SNTG1: variants seen among roughly 807,000 people sequenced by gnomAD.
SNTG1 encodes the protein syntrophin gamma 1, also known as gamma-1-syntrophin.
In SNTG1, 39 loss-of-function variants were observed where a neutral mutation model predicts 74.7. That is an observed-to-expected ratio of 0.52 (90% CI 0.40 to 0.68). The LOEUF (loss-of-function observed/expected upper bound fraction) is 0.68. Ranked by LOEUF, SNTG1 falls within the 30% of genes least tolerant of loss-of-function variation. SNTG1 has a pLI of 0.00. For missense variants in SNTG1, 685 were observed against 609.5 expected (o/e 1.12, Z -1.30); for synonymous variants, 254 against 217.1 (o/e 1.17, Z -1.49).
At chr8:50,147,145 G>A (rs1261718306) in intron 1 of SNTG1, among the ~76,000 whole-genome samples, 1 of 152,144 alleles carries the variant, frequency 6.6e-6, no homozygotes, top group Admixed American at 6.5e-5. Flanking sequence ...TCTTCTGCAT[G>A]ATACTTGGGT....
chr8:50,786,573 C>G (rs191343841), intron 18 of SNTG1, among the ~76,000 whole-genome samples: 3 of 151,882 alleles, frequency 2.0e-5, no homozygotes, highest in African/African-American at 4.8e-5. Flanking sequence ...TGGAGAGAAC[C>G]CCCAGTTCCA....
intron 1 of SNTG1, among the ~76,000 whole-genome samples, chr8:50,017,664 CA>C (rs201188814): frequency 0.011 from 1,675 of 151,134 alleles, 12 homozygotes; most frequent in Admixed American, 0.019. Flanking sequence ...TTATAAGAGT[CA>C]AAAAAAGCAT....
rs574988019 is a variant in SNTG1 at position 50,788,849 on chromosome 8, G to A, written c.1396-3822G>A. Among the ~76,000 whole-genome samples the A allele has an allele frequency of 6.6e-5, 10 of 151,818 alleles. No homozygotes were observed. In the East Asian group the frequency reaches 1.6e-3, roughly 24 times the overall value. On this transcript the variant is annotated intron_variant, in intron 18 of 18. Transcript: ENST00000642720. ...CCATATACTGTGCCTCATCTCCTGC[G>A]GCCTCAGATCAATTGTCCAGGTTTC...
intron 13 of SNTG1, among the ~76,000 whole-genome samples, chr8:50,605,675 C>G (rs1375083677): frequency 6.6e-6 from 1 of 152,064 alleles, no homozygotes; most frequent in Non-Finnish European, 1.5e-5. Flanking sequence ...TCAGTACTTT[C>G]TCAACAATAT....
At chr8:50,408,149 C>T (rs918744560) in intron 4 of SNTG1, among the ~76,000 whole-genome samples, 1 of 152,078 alleles carries the variant, frequency 6.6e-6, no homozygotes, top group South Asian at 2.1e-4. Context: ...GAAATCAGGT[C>T]CCTAGCATAA....
At chr8:50,664,879 T>C (rs929080371) in intron 15 of SNTG1, among the ~76,000 whole-genome samples, 2 of 152,180 alleles carry the variant, frequency 1.3e-5, no homozygotes, top group Non-Finnish European at 1.5e-5. Context: ...GAGCAGTGTA[T>C]CATTTGTATA....
chr8:50,159,011 G>A (rs1409293995), intron 1 of SNTG1, among the ~76,000 whole-genome samples: 2 of 152,114 alleles, frequency 1.3e-5, no homozygotes, highest in Non-Finnish European at 2.9e-5. Flanking sequence ...TAATTTGATG[G>A]TTGAATAACG....
At chr8:50,241,587 A>G (rs1404095941) in intron 2 of SNTG1, among the ~76,000 whole-genome samples, 1 of 152,198 alleles carries the variant, frequency 6.6e-6, no homozygotes, top group African/African-American at 2.4e-5. Context: ...TTCTGCATCT[A>G]TGAAGCTTCT....
At chr8:50,156,307 C>CAA (rs959940875) in intron 1 of SNTG1, among the ~76,000 whole-genome samples, 2 of 152,026 alleles carry the variant, frequency 1.3e-5, no homozygotes, top group African/African-American at 4.8e-5. Context: ...CCAGTATTGT[C>CAA]AAGTGCTATA....
In SNTG1 at chr8:49,913,643, T is replaced by C. The variant is rs80172318; in HGVS notation, c.-103+1412T>C. 5.7e-4 allele frequency among the ~76,000 whole-genome samples: 87 copies of C among 152,330 alleles called. No individual in the cohort carries two copies. The East Asian group carries it at 0.016, about 28-fold the overall frequency. ...ATTATCTGAGGAGGAGAAACATGTA[T>C]TATTGATTTGGATTCCTTCCCAGAA... On this transcript the variant is annotated intron_variant, in intron 1 of 18. Coordinates refer to ENST00000642720, the MANE Select transcript of SNTG1 (RefSeq NM_018967.5).
At chr8:49,957,528 G>A (rs1183742002) in intron 1 of SNTG1, among the ~76,000 whole-genome samples, 1 of 152,196 alleles carries the variant, frequency 6.6e-6, no homozygotes, top group Non-Finnish European at 1.5e-5. Context: ...CACACCAGAT[G>A]AGTGACAAGC....
chr8:49,916,234 T>C (rs1325434056), intron 1 of SNTG1, among the ~76,000 whole-genome samples: 1 of 151,532 alleles, frequency 6.6e-6, no homozygotes, highest in Non-Finnish European at 1.5e-5. Flanking sequence ...GTCAAAAACA[T>C]AAAATGAAAA....
chr8:50,419,006 A>G (rs1250110673), intron 4 of SNTG1, among the ~76,000 whole-genome samples: 2 of 152,046 alleles, frequency 1.3e-5, no homozygotes, highest in Non-Finnish European at 2.9e-5. Flanking sequence ...TATGACTATT[A>G]TCTTTTAAAA....
intron 5 of SNTG1, among the ~76,000 whole-genome samples, chr8:50,443,741 C>T (rs1022452347): frequency 6.6e-6 from 1 of 152,162 alleles, no homozygotes; most frequent in Non-Finnish European, 1.5e-5. Flanking sequence ...AATAACTATG[C>T]TTAGAACTAT....
intron 4 of SNTG1, among the ~76,000 whole-genome samples, chr8:50,433,781 A>C (rs2093269951): frequency 6.6e-6 from 1 of 152,208 alleles, no homozygotes; most frequent in Non-Finnish European, 1.5e-5. Flanking sequence ...TGTGTAAGAC[A>C]TAGGTCCAGC....
intron 2 of SNTG1, among the ~76,000 whole-genome samples, chr8:50,177,347 G>T (rs2083036699): frequency 6.6e-6 from 1 of 152,112 alleles, no homozygotes; most frequent in Non-Finnish European, 1.5e-5. Flanking sequence ...CTTCAGGCTG[G>T]ATTACTCCTA....
intron 2 of SNTG1, among the ~76,000 whole-genome samples, chr8:50,226,595 C>A (rs1296654430): frequency 6.6e-6 from 1 of 152,158 alleles, no homozygotes; most frequent in Non-Finnish European, 1.5e-5. Flanking sequence ...TTCTATCAAT[C>A]CCAGGTCTTT....
At chr8:50,375,188 A>C (rs1385410366) in intron 2 of SNTG1, among the ~76,000 whole-genome samples, 3 of 152,118 alleles carry the variant, frequency 2.0e-5, no homozygotes. Flanking sequence ...GCTCCTTATA[A>C]AATGAGATGT....
intron 2 of SNTG1, among the ~76,000 whole-genome samples, chr8:50,334,956 ATAC>A (rs1206555751): frequency 6.6e-6 from 1 of 152,204 alleles, no homozygotes; most frequent in Non-Finnish European, 1.5e-5. Context: ...CTGCTAGATT[ATAC>A]TTACAAAGGA....
Sources: allele counts gnomAD v4.1 joint callset (sites outside exome capture counted in the v4.1 genomes callset), GRCh38; gene constraint gnomAD v4.1.1; transcripts MANE v1.5; gene names NCBI Gene and HGNC (gene_info 2026-07-23, HGNC 2026-07-21).